Variants in PITPNC1 observed in about 807,000 individuals in gnomAD.
PITPNC1 encodes cytoplasmic phosphatidylinositol transfer protein 1.
Under a neutral mutation model 44.7 loss-of-function variants are expected in PITPNC1, and 18 were observed. The ratio of observed to expected loss-of-function variants is 0.40; its 90% CI spans 0.28 to 0.60. The LOEUF (loss-of-function observed/expected upper bound fraction) is 0.60. Ranked by LOEUF, PITPNC1 falls within the 20% of genes least tolerant of loss-of-function variation. The pLI, the probability that PITPNC1 is intolerant of heterozygous loss-of-function variation, is 0.39. For missense variants in PITPNC1, 290 were observed against 418.4 expected, an observed-to-expected ratio of 0.69 and a Z score of 2.68; for synonymous variants, 141 against 149.6, an observed-to-expected ratio of 0.94 and a Z score of 0.42.
intron 1 of PITPNC1, among the ~76,000 whole-genome samples, chr17:67,388,021 C>T (rs551516010): frequency 6.6e-6 from 1 of 152,280 alleles, no homozygotes; most frequent in African/African-American, 2.4e-5. Flanking sequence ...ACTTAGGGTC[C>T]ACACATAGTA....
intron 1 of PITPNC1, among the ~76,000 whole-genome samples, chr17:67,466,746 G>A (rs1028501099): frequency 2.0e-5 from 3 of 152,104 alleles, no homozygotes; most frequent in Admixed American, 6.6e-5. Context: ...TCTGGGAGTC[G>A]CAGGAGGAGT....
At chr17:67,437,477 A>G (rs1456308299) in intron 1 of PITPNC1, among the ~76,000 whole-genome samples, 1 of 152,082 alleles carries the variant, frequency 6.6e-6, no homozygotes, top group Non-Finnish European at 1.5e-5. Flanking sequence ...CCCTGCTGAT[A>G]CCTTGATTTT....
intron 6 of PITPNC1, chr17:67,638,388 A>C (rs879767615): frequency 3.3e-5 from 5 of 152,226 alleles, no homozygotes; most frequent in Non-Finnish European, 5.9e-5. Flanking sequence ...TTTCTCCTCC[A>C]TTCACTGCAG....
chr17:67,436,498 G>A (rs752382250), intron 1 of PITPNC1, among the ~76,000 whole-genome samples: 3 of 152,228 alleles, frequency 2.0e-5, no homozygotes, highest in Non-Finnish European at 4.4e-5. Context: ...GTAAGCAGAA[G>A]GTAGGGAGGC....
chr17:67,478,041 A>G (rs1249320219), intron 1 of PITPNC1, among the ~76,000 whole-genome samples: 1 of 152,098 alleles, frequency 6.6e-6, no homozygotes, highest in East Asian at 1.9e-4. Context: ...ATTCTCTTAC[A>G]TTACCTCTAG....
chr17:67,402,709 C>G (rs2038336488), intron 1 of PITPNC1, among the ~76,000 whole-genome samples: 2 of 152,168 alleles, frequency 1.3e-5, no homozygotes, highest in Non-Finnish European at 2.9e-5. Flanking sequence ...CTTTGTCGCC[C>G]AGGCTGGAGT....
At chr17:67,625,368 A>G (rs895017367) in intron 5 of PITPNC1, among the ~76,000 whole-genome samples, 17 of 152,088 alleles carry the variant, frequency 1.1e-4, no homozygotes, top group Admixed American at 1.0e-3. Context: ...TGCAACAACA[A>G]AAGGCATTCG....
At chr17:67,439,858 A>G (rs1402909295) in intron 1 of PITPNC1, among the ~76,000 whole-genome samples, 2 of 152,170 alleles carry the variant, frequency 1.3e-5, no homozygotes, top group South Asian at 4.1e-4. Context: ...TATAGTATGT[A>G]TCTCAGCCGG....
intron 6 of PITPNC1, among the ~76,000 whole-genome samples, chr17:67,655,267 G>C (rs1452124179): frequency 6.6e-6 from 1 of 151,932 alleles, no homozygotes; most frequent in East Asian, 1.9e-4. Context: ...TTTTATAAGA[G>C]CACTAATTGG....
intron 2 of PITPNC1, among the ~76,000 whole-genome samples, chr17:67,533,164 GT>G (rs1309543928): frequency 6.6e-6 from 1 of 152,184 alleles, no homozygotes; most frequent in African/African-American, 2.4e-5. Flanking sequence ...GGAGGCCAAG[GT>G]GGGAGGATGG....
At chr17:67,584,331 G>A (rs2041280786) in intron 5 of PITPNC1, among the ~76,000 whole-genome samples, 2 of 152,140 alleles carry the variant, frequency 1.3e-5, no homozygotes, top group Admixed American at 1.3e-4. Context: ...ATAAAATGAA[G>A]AGAATGTCCA....
intron 2 of PITPNC1, among the ~76,000 whole-genome samples, chr17:67,535,321 A>T (rs1353740424): frequency 6.6e-6 from 1 of 152,210 alleles, no homozygotes; most frequent in East Asian, 1.9e-4. Flanking sequence ...TCAAATACTG[A>T]GCAAGTTTCT....
chr17:67,402,878 A>G (rs2038339200), intron 1 of PITPNC1, among the ~76,000 whole-genome samples: 1 of 152,060 alleles, frequency 6.6e-6, no homozygotes, highest in Non-Finnish European at 1.5e-5. Flanking sequence ...TGTTGGCCAG[A>G]CTAGTCCGGA....
At chr17:67,445,760 A>G (rs2039084480) in intron 1 of PITPNC1, among the ~76,000 whole-genome samples, 1 of 152,026 alleles carries the variant, frequency 6.6e-6, no homozygotes, top group African/African-American at 2.4e-5. Context: ...TTTGTTATTC[A>G]TGGGAGTGGA....
chr17:67,453,326 T>G (rs2039210584), intron 1 of PITPNC1, among the ~76,000 whole-genome samples: 1 of 152,184 alleles, frequency 6.6e-6, no homozygotes, highest in African/African-American at 2.4e-5. Flanking sequence ...TTTTTTTCCT[T>G]TGCTTTGCTT....
At chr17:67,524,270 C>G (rs1241858650) in intron 1 of PITPNC1, among the ~76,000 whole-genome samples, 1 of 151,978 alleles carries the variant, frequency 6.6e-6, no homozygotes, top group Admixed American at 6.6e-5. Context: ...TAGCAAGATA[C>G]CATCTCTACA....
At chr17:67,491,354 TC>T (rs1298049926) in intron 1 of PITPNC1, among the ~76,000 whole-genome samples, 1 of 152,190 alleles carries the variant, frequency 6.6e-6, no homozygotes, top group Non-Finnish European at 1.5e-5. Context: ...GCCGGGCCGT[TC>T]ATTAAGAAAT....
intron 1 of PITPNC1, among the ~76,000 whole-genome samples, chr17:67,396,517 C>T (rs1037023588): frequency 1.3e-5 from 2 of 151,612 alleles, no homozygotes; most frequent in African/African-American, 4.8e-5. Flanking sequence ...ATTACAGGCA[C>T]CGGCCACCAC....
intron 5 of PITPNC1, among the ~76,000 whole-genome samples, chr17:67,586,402 A>T (rs560475914): frequency 6.7e-6 from 1 of 148,316 alleles, no homozygotes; most frequent in African/African-American, 2.5e-5. Flanking sequence ...CCTGGCCAAC[A>T]TGGTGAAACC....
Sources: gnomAD v4.1 joint callset for allele counts (sites outside exome capture counted in the v4.1 genomes callset) on GRCh38, gnomAD v4.1.1 for gene constraint, MANE v1.5 for transcripts, NCBI Gene and HGNC (gene_info 2026-07-23, HGNC 2026-07-21) for gene names.